Variants in PLEKHM3 observed in about 807,000 individuals in gnomAD.
PLEKHM3 encodes the protein pleckstrin homology domain containing M3.
PLEKHM3 carries 45 observed loss-of-function variants against 81.8 expected under a neutral mutation model. The ratio of observed to expected loss-of-function variants is 0.55; its 90% CI spans 0.43 to 0.71. PLEKHM3 has a LOEUF of 0.71. Ranked by LOEUF, PLEKHM3 falls within the 30% of genes least tolerant of loss-of-function variation. The pLI, the probability that PLEKHM3 is intolerant of heterozygous loss-of-function variation, is 0.00. For missense variants in PLEKHM3, 788 were observed against 924.3 expected (o/e 0.85, Z 1.91); for synonymous variants, 352 against 356.4 (o/e 0.99, Z 0.14).
intron 2 of PLEKHM3, among the ~76,000 whole-genome samples, chr2:207,979,002 A>C (rs1350993032): frequency 6.6e-6 from 1 of 152,206 alleles, no homozygotes; most frequent in Non-Finnish European, 1.5e-5. Context: ...AGAACATTGA[A>C]CATTGCCTTG....
At chr2:207,896,149 A>T (rs1483909883) in intron 6 of PLEKHM3, among the ~76,000 whole-genome samples, 1 of 152,204 alleles carries the variant, frequency 6.6e-6, no homozygotes, top group African/African-American at 2.4e-5. Flanking sequence ...CTATAAAATC[A>T]CAGAATGAGG....
At position 207,875,841 on chromosome 2, in the gene PLEKHM3, C is replaced by T. The variant is rs139186325; in HGVS notation, c.1951-14579G>A. Among the ~76,000 whole-genome samples, 284 of 152,216 alleles carry T rather than the reference C, an allele frequency of 1.9e-3. 2 individuals carry two copies. The highest frequency in any genetic ancestry group is 6.5e-3 in the African/African-American group (268 of 41,530). On this transcript the variant is annotated intron_variant, in intron 6 of 7. Transcript: ENST00000427836. ...CAAACAACAACAACAACAACAACAA[C>T]AAAACAGGTTTAAGTTACCTTGCTT... is the stretch of plus-strand genomic sequence containing the variant.
At chr2:207,880,421 A>AC (rs939933917) in intron 6 of PLEKHM3, among the ~76,000 whole-genome samples, 2 of 149,000 alleles carry the variant, frequency 1.3e-5, no homozygotes, top group African/African-American at 2.5e-5. Context: ...AAAAAAAAAA[A>AC]AACGCAAATT....
chr2:207,881,620 C>T (rs961404070), intron 6 of PLEKHM3, among the ~76,000 whole-genome samples: 4 of 152,144 alleles, frequency 2.6e-5, no homozygotes, highest in African/African-American at 9.7e-5. Context: ...CTTTTATAAT[C>T]AAGAAAAAAC....
chr2:207,989,775 G>T (rs1166584466), intron 2 of PLEKHM3, among the ~76,000 whole-genome samples: 1 of 152,162 alleles, frequency 6.6e-6, no homozygotes, highest in Non-Finnish European at 1.5e-5. Context: ...AGATACATGG[G>T]GATCAAAACA....
chr2:207,861,347 C>A, intron 6 of PLEKHM3, 85 bp from the exon 7 acceptor site: 1 of 1,355,346 alleles, frequency 7.4e-7, no homozygotes, highest in Non-Finnish European at 1.0e-6. Context: ...AATTCCTTTC[C>A]TTTACACAAC....
chr2:207,881,440 T>C (rs2092590818), intron 6 of PLEKHM3, among the ~76,000 whole-genome samples: 1 of 152,094 alleles, frequency 6.6e-6, no homozygotes, highest in Non-Finnish European at 1.5e-5. Context: ...ACCACATCAT[T>C]ATGGGGGTCT....
intron 5 of PLEKHM3, among the ~76,000 whole-genome samples, chr2:207,911,755 G>A (rs75299744): frequency 6.6e-6 from 1 of 152,162 alleles, no homozygotes; most frequent in African/African-American, 2.4e-5. Context: ...TCCAGTAAGC[G>A]GGCTGCAAAA....
chr2:207,925,872 T>C (rs1003852212), intron 5 of PLEKHM3, among the ~76,000 whole-genome samples: 9 of 152,122 alleles, frequency 5.9e-5, no homozygotes, highest in Non-Finnish European at 1.3e-4. Flanking sequence ...CCTCTAGTTC[T>C]ACAGGACTCT....
At chr2:207,865,264 CCT>C (rs1281188471) in intron 6 of PLEKHM3, among the ~76,000 whole-genome samples, 9 of 152,122 alleles carry the variant, frequency 5.9e-5, no homozygotes, top group Non-Finnish European at 7.3e-5. Flanking sequence ...ATTTATTCCC[CCT>C]CTTTTAAAAT....
At chr2:207,922,119 C>G (rs1361927530) in intron 5 of PLEKHM3, among the ~76,000 whole-genome samples, 3 of 152,318 alleles carry the variant, frequency 2.0e-5, no homozygotes, top group African/African-American at 4.8e-5. Context: ...TAAGAGTTCT[C>G]TTTTCTCCAC....
chr2:208,019,010 G>C (rs561898600), intron 1 of PLEKHM3, among the ~76,000 whole-genome samples: 1 of 151,716 alleles, frequency 6.6e-6, no homozygotes, highest in South Asian at 2.1e-4. Flanking sequence ...AGGATTTATA[G>C]AAACTGGGAC....
chr2:207,933,142 C>T (rs1271107366), intron 4 of PLEKHM3, among the ~76,000 whole-genome samples: 2 of 152,118 alleles, frequency 1.3e-5, no homozygotes, highest in Non-Finnish European at 2.9e-5. Context: ...CTGAAAATCA[C>T]AAAAAGGCAC....
intron 2 of PLEKHM3, among the ~76,000 whole-genome samples, chr2:207,993,814 T>A (rs1338649049): frequency 1.3e-5 from 2 of 152,182 alleles, no homozygotes; most frequent in African/African-American, 4.8e-5. Flanking sequence ...CAGAGCTCTG[T>A]AGCTAATGCA....
At chr2:207,952,856 TA>T (rs1443526368) in intron 3 of PLEKHM3, among the ~76,000 whole-genome samples, 2 of 152,204 alleles carry the variant, frequency 1.3e-5, no homozygotes, top group Non-Finnish European at 2.9e-5. Flanking sequence ...AGAAAGGGGG[TA>T]AAGAGTGAGG....
intron 3 of PLEKHM3, among the ~76,000 whole-genome samples, chr2:207,960,227 A>C (rs1489171533): frequency 6.6e-6 from 1 of 152,156 alleles, no homozygotes; most frequent in African/African-American, 2.4e-5. Flanking sequence ...AAGAAGAAGG[A>C]CCCGGGCATG....
chr2:207,868,514 T>TCCAGCTACTTAAGA (rs1221003220), intron 6 of PLEKHM3: 1 of 152,216 alleles, frequency 6.6e-6, no homozygotes, highest in African/African-American at 2.4e-5. Context: ...TGTGAGACTT[T>TCCAGCTACTTAAGA]GGCAAGCTAC....
At chr2:207,921,857 G>T (rs2105922656) in intron 5 of PLEKHM3, among the ~76,000 whole-genome samples, 2 of 152,314 alleles carry the variant, frequency 1.3e-5, no homozygotes, top group Middle Eastern at 3.4e-3. Context: ...TTTTATGGCT[G>T]AATGGTACTT....
At chr2:208,004,004 T>C (rs773137399) in intron 1 of PLEKHM3, among the ~76,000 whole-genome samples, 18 of 152,262 alleles carry the variant, frequency 1.2e-4, no homozygotes, top group Non-Finnish European at 2.2e-4. Flanking sequence ...TCTTTACTCA[T>C]GATAAGGTGC....
Sources: gnomAD v4.1 joint callset for allele counts (sites outside exome capture counted in the v4.1 genomes callset) on GRCh38, gnomAD v4.1.1 for gene constraint, MANE v1.5 for transcripts, NCBI Gene and HGNC (gene_info 2026-07-23, HGNC 2026-07-21) for gene names.